SNTB1: variants seen among roughly 807,000 people sequenced by gnomAD.
SNTB1 encodes beta-1-syntrophin.
Under a neutral mutation model 48.9 loss-of-function variants are expected in SNTB1, and 36 were observed. The observed-to-expected ratio is 0.74, with a 90% CI of 0.56 to 0.97. The LOEUF is 0.97. Ranked by LOEUF, SNTB1 falls within the 50% of genes least tolerant of loss-of-function variation. SNTB1 has a pLI of 0.00. For missense variants in SNTB1, 786 were observed against 703.4 expected (o/e 1.12, Z -1.33); for synonymous variants, 299 against 294.6 (o/e 1.01, Z -0.15).
chr8:120,754,511 A>G (rs1819281075), intron 1 of SNTB1, among the ~76,000 whole-genome samples: 1 of 152,000 alleles, frequency 6.6e-6, no homozygotes, highest in Non-Finnish European at 1.5e-5. Flanking sequence ...AAGAAAAAGA[A>G]ATCTAGTTCT....
intron 1 of SNTB1, among the ~76,000 whole-genome samples, chr8:120,795,787 A>C (rs182790802): frequency 6.6e-6 from 1 of 151,944 alleles, no homozygotes; most frequent in East Asian, 1.9e-4. Context: ...CCTTGCTCCT[A>C]GTTTCTGGTG....
chr8:120,718,997 A>G (rs767251770), intron 1 of SNTB1, among the ~76,000 whole-genome samples: 6 of 152,344 alleles, frequency 3.9e-5, no homozygotes, highest in Middle Eastern at 6.8e-3. Flanking sequence ...AACTCTCACT[A>G]TCTCAGAAGC....
chr8:120,551,694 C>T lies in SNTB1; in HGVS notation c.1137-2736G>A, dbSNP rs187345068. Among the ~76,000 whole-genome samples the T allele has an allele frequency of 6.4e-3, 926 of 143,904 alleles. 11 individuals are homozygous for T. Among genetic ancestry groups the T allele is most frequent in the African/African-American group, 0.023 (870 of 38,154 alleles). The allele number at this position is 143,904 out of a possible 152,430, so 94.4% of individuals were successfully genotyped here. On this transcript the variant is annotated intron_variant, in intron 4 of 6. Transcript: ENST00000517992. Reference sequence around the variant, plus strand: ...TGAGCCAAGATCGCACCACTGCACTCCAGCCTGAGCGACAGAGTGAGACTC... The same window carrying T: ...TGAGCCAAGATCGCACCACTGCACTTCAGCCTGAGCGACAGAGTGAGACTC...
intron 4 of SNTB1, among the ~76,000 whole-genome samples, chr8:120,564,100 C>CTCTG (rs1491182853): frequency 6.8e-6 from 1 of 147,212 alleles, no homozygotes; most frequent in Non-Finnish European, 1.5e-5. Flanking sequence ...AAGAGCAAAA[C>CTCTG]TCTGTCTCAA....
intron 2 of SNTB1, among the ~76,000 whole-genome samples, chr8:120,683,277 G>GTTGATATACA (rs1817968512): frequency 1.3e-5 from 2 of 152,138 alleles, no homozygotes; most frequent in Non-Finnish European, 2.9e-5. Flanking sequence ...GATATACACA[G>GTTGATATACA]CCGATTACAA....
intron 1 of SNTB1, among the ~76,000 whole-genome samples, chr8:120,803,366 T>C (rs1368749248): frequency 6.6e-6 from 1 of 152,178 alleles, no homozygotes; most frequent in Non-Finnish European, 1.5e-5. Flanking sequence ...TCTTAAGTCT[T>C]AACTCTGCAG....
intron 2 of SNTB1, among the ~76,000 whole-genome samples, chr8:120,636,699 A>G (rs1817085193): frequency 6.6e-6 from 1 of 151,552 alleles, no homozygotes; most frequent in African/African-American, 2.4e-5. Flanking sequence ...GCCACAATAA[A>G]CATACGTGTG....
At position 120,811,545 on chromosome 8, in the gene SNTB1, T is replaced by G. The variant is rs1263579169; in HGVS notation, c.299A>C (p.Glu100Ala). The change falls in exon 1 of 7, where the codon GAG becomes GCG. Residue 100 changes from glutamate to alanine, a missense_variant. Coordinates refer to ENST00000517992, the MANE Select transcript of SNTB1 (RefSeq NM_021021.4). ...GVRTAFTDLP[E>A]QVPESISNQK... is the part of the protein sequence containing the mutation. ...GTTCGAGATGGACTCGGGCACCTGCTCGGGCAGGTCGGTGAAAGCGGTGCG... is the reference window on the plus strand; with the variant it reads ...GTTCGAGATGGACTCGGGCACCTGCGCGGGCAGGTCGGTGAAAGCGGTGCG... 6.2e-7 allele frequency: 1 copy of G among 1,602,178 alleles called. No individual in the cohort carries two copies. Among genetic ancestry groups the G allele is most frequent in the South Asian group, 1.1e-5 (1 of 89,604 alleles).
At chr8:120,566,509 T>G (rs1815751531) in intron 4 of SNTB1, among the ~76,000 whole-genome samples, 1 of 152,112 alleles carries the variant, frequency 6.6e-6, no homozygotes, top group Non-Finnish European at 1.5e-5. Flanking sequence ...TCTCCAGAAC[T>G]GTGAGAACAT....
intron 1 of SNTB1, among the ~76,000 whole-genome samples, chr8:120,804,004 TA>T (rs1484430108): frequency 2.6e-5 from 4 of 152,186 alleles, no homozygotes; most frequent in Admixed American, 6.5e-5. Context: ...AAGACTGGCT[TA>T]AATTAAATGT....
intron 3 of SNTB1, among the ~76,000 whole-genome samples, chr8:120,595,529 C>T (rs775886003): frequency 2.6e-5 from 4 of 152,066 alleles, no homozygotes; most frequent in Non-Finnish European, 5.9e-5. Context: ...AAATGGGCAA[C>T]CAGGAGCCCT....
intron 1 of SNTB1, among the ~76,000 whole-genome samples, chr8:120,747,292 T>C (rs1819140863): frequency 6.6e-6 from 1 of 152,108 alleles, no homozygotes; most frequent in Non-Finnish European, 1.5e-5. Context: ...TTCTCACTTA[T>C]TTATTGATTT....
At chr8:120,739,867 T>G (rs962013708) in intron 1 of SNTB1, among the ~76,000 whole-genome samples, 3 of 152,198 alleles carry the variant, frequency 2.0e-5, no homozygotes, top group African/African-American at 7.2e-5. Context: ...TCCCATTTTA[T>G]TGGTGAGGAA....
intron 1 of SNTB1, among the ~76,000 whole-genome samples, chr8:120,764,760 A>G (rs1057408329): frequency 1.3e-5 from 2 of 152,196 alleles, no homozygotes; most frequent in African/African-American, 4.8e-5. Context: ...ACATAAAATT[A>G]TTAAATACAT....
At chr8:120,764,671 T>C (rs943808285) in intron 1 of SNTB1, among the ~76,000 whole-genome samples, 1 of 152,062 alleles carries the variant, frequency 6.6e-6, no homozygotes, top group Non-Finnish European at 1.5e-5. Context: ...ATATAACAGA[T>C]AAAACTCACA....
rs372831653 is a variant in SNTB1, at chr8:120,568,400, T to C, written c.1136+6686A>G. Among the ~76,000 whole-genome samples the C allele has an allele frequency of 6.6e-5, 10 of 152,306 alleles. No individual in the cohort carries two copies. The East Asian group carries it at 7.7e-4, about 12-fold the overall frequency. ...TGTTTGCTTTCTAAAAGTCTTTTTC[T>C]AGGTACATCCACAGGGTCTTGGAGA... On this transcript the variant is annotated intron_variant, in intron 4 of 6. Transcript: ENST00000517992.
At position 120,589,300 on chromosome 8, in the gene SNTB1, G is replaced by A. The variant is rs534023100; in HGVS notation, c.997-14075C>T. Among the ~76,000 whole-genome samples the A allele has an allele frequency of 5.3e-5, 8 of 152,286 alleles. No individual in the cohort carries two copies. The South Asian group carries it at 1.2e-3, about 24-fold the overall frequency. ...CCTGAATAAAGGTCCATCTGCCAAA[G>A]TAAACCTCCAAGCTATGATAAGCTC... On this transcript the variant is annotated intron_variant, in intron 3 of 6. Transcript: ENST00000517992.
chr8:120,642,848 G>A (rs1817218893), intron 2 of SNTB1, among the ~76,000 whole-genome samples: 1 of 152,176 alleles, frequency 6.6e-6, no homozygotes, highest in South Asian at 2.1e-4. Flanking sequence ...GGTCAAGGCT[G>A]CAGTAAAAGC....
intron 3 of SNTB1, among the ~76,000 whole-genome samples, chr8:120,624,469 A>G (rs1816844234): frequency 6.6e-6 from 1 of 152,138 alleles, no homozygotes; most frequent in South Asian, 2.1e-4. Flanking sequence ...TAATGGCATT[A>G]ATCCATTCAT....
Sources: allele counts gnomAD v4.1 joint callset (sites outside exome capture counted in the v4.1 genomes callset), GRCh38; gene constraint gnomAD v4.1.1; transcripts MANE v1.5; gene names NCBI Gene and HGNC (gene_info 2026-07-23, HGNC 2026-07-21).